Variants in ZMIZ1 observed in about 807,000 individuals in gnomAD.
ZMIZ1 encodes zinc finger MIZ domain-containing protein 1.
Under a neutral mutation model 113.9 loss-of-function variants are expected in ZMIZ1, and 17 were observed. That is an observed-to-expected ratio of 0.15 (90% confidence interval 0.10 to 0.22). ZMIZ1 has a LOEUF of 0.22. Among genes scored for constraint, ZMIZ1 ranks in the 10% least tolerant of loss-of-function variants. The probability of loss-of-function intolerance (pLI) is 1.00; values close to 1 mark genes in which losing one functional copy is unlikely to be tolerated. For synonymous variants in ZMIZ1, 607 were observed against 603.1 expected (o/e 1.01, Z -0.09); for missense variants, 1,059 against 1,477.8 (o/e 0.72, Z 4.65).
intron 7 of ZMIZ1, among the ~76,000 whole-genome samples, chr10:79,238,000 C>T (rs1849662338): frequency 6.6e-6 from 1 of 152,246 alleles, no homozygotes; most frequent in South Asian, 2.1e-4. Flanking sequence ...AGAGCATGGC[C>T]AGTTCCTTCC....
intron 3 of ZMIZ1, among the ~76,000 whole-genome samples, chr10:79,145,290 T>G (rs1055559465): frequency 6.6e-6 from 1 of 152,106 alleles, no homozygotes; most frequent in Non-Finnish European, 1.5e-5. Context: ...TCTCCTGAGG[T>G]CTTCTCTCCC....
chr10:79,165,644 A>T (rs1846295888), intron 4 of ZMIZ1, among the ~76,000 whole-genome samples: 2 of 152,186 alleles, frequency 1.3e-5, no homozygotes, highest in Non-Finnish European at 2.9e-5. Flanking sequence ...CCCTGACCAC[A>T]GTGGAGCTGA....
At chr10:79,111,971 A>G (rs1023581816) in intron 1 of ZMIZ1, among the ~76,000 whole-genome samples, 2 of 152,204 alleles carry the variant, frequency 1.3e-5, no homozygotes, top group African/African-American at 2.4e-5. Flanking sequence ...CCAGAGTAGG[A>G]CTTGGTTGGG....
intron 7 of ZMIZ1, among the ~76,000 whole-genome samples, chr10:79,227,987 T>G (rs1014786716): frequency 6.6e-6 from 1 of 152,200 alleles, no homozygotes; most frequent in Non-Finnish European, 1.5e-5. Flanking sequence ...CAGCACCCTG[T>G]CTGTGCCCTG....
At chr10:79,307,614 G>T (rs376514274) in intron 23 of ZMIZ1, 43 bp downstream of exon 23, 1 of 1,589,658 alleles carries the variant, frequency 6.3e-7, no homozygotes, top group Non-Finnish European at 8.6e-7. Flanking sequence ...CCAGCCTTTG[G>T]GGTTGATGCC....
chr10:79,226,240 TCTCGGC>T (rs1849194028), intron 7 of ZMIZ1, among the ~76,000 whole-genome samples: 1 of 152,110 alleles, frequency 6.6e-6, no homozygotes. Flanking sequence ...GGGGAGGTGG[TCTCGGC>T]AAGGGCAGAA....
chr10:79,113,431 C>A (rs1202398056), intron 1 of ZMIZ1, among the ~76,000 whole-genome samples: 1 of 152,208 alleles, frequency 6.6e-6, no homozygotes, highest in Non-Finnish European at 1.5e-5. Context: ...TGAACCCCAA[C>A]CTCCTGCCCG....
Position 79,259,062 on chromosome 10 carries a change from G to A in ZMIZ1, c.281-18119G>A, listed in dbSNP as rs558882420. On this transcript the variant is annotated intron_variant, in intron 7 of 24. Coordinates refer to ENST00000334512, the MANE Select transcript of ZMIZ1 (RefSeq NM_020338.4). ...CGCCCAGCCATGCCTCGCCCCAGCCGCCCGTATTAGTTTAATCAAATGCCC... is the reference window on the plus strand; with the variant it reads ...CGCCCAGCCATGCCTCGCCCCAGCCACCCGTATTAGTTTAATCAAATGCCC... Among the ~76,000 whole-genome samples, 15 of 152,252 alleles carry A rather than the reference G, an allele frequency of 9.9e-5. No homozygotes were observed. The South Asian group carries it at 1.2e-3, about 13-fold the overall frequency.
intron 6 of ZMIZ1, among the ~76,000 whole-genome samples, chr10:79,211,047 A>G (rs76834420): frequency 0.023 from 3,542 of 152,296 alleles, 115 homozygotes; most frequent in African/African-American, 0.07. Flanking sequence ...CCACAGCTGC[A>G]GAGACCTGAG....
chr10:79,130,429 TGAGCCTGCAGCAGA>T (rs1410719624), intron 2 of ZMIZ1, among the ~76,000 whole-genome samples: 2 of 152,226 alleles, frequency 1.3e-5, no homozygotes, highest in African/African-American at 4.8e-5. Flanking sequence ...TATACAGGGC[TGAGCCTGCAGCAGA>T]GCTGCAGCCA....
At chr10:79,137,828 G>C (rs971394976) in intron 2 of ZMIZ1, among the ~76,000 whole-genome samples, 3 of 110,576 alleles carry the variant, frequency 2.7e-5, no homozygotes, top group African/African-American at 1.3e-4. Flanking sequence ...CCCTCGGCTG[G>C]GGGGGGGGTG....
intron 4 of ZMIZ1, among the ~76,000 whole-genome samples, chr10:79,183,996 G>A (rs941965096): frequency 3.3e-5 from 5 of 152,202 alleles, no homozygotes; most frequent in African/African-American, 1.2e-4. Flanking sequence ...TCATAGGGTT[G>A]TTTAAAGGAG....
At chr10:79,215,302 C>CTTTT (rs57758020) in intron 6 of ZMIZ1, among the ~76,000 whole-genome samples, 3,661 of 140,036 alleles carry the variant, frequency 0.026, 127 homozygotes, top group East Asian at 0.067. Flanking sequence ...TAAATCACCG[C>CTTTT]TTTTTTTTTT....
At chr10:79,137,935 G>A (rs957466806) in intron 2 of ZMIZ1, among the ~76,000 whole-genome samples, 8 of 152,148 alleles carry the variant, frequency 5.3e-5, no homozygotes, top group South Asian at 2.1e-4. Context: ...ACAGCTGTGC[G>A]GTCCTGGGCC....
chr10:79,311,887 C>T (rs755155696), intron 24 of ZMIZ1, among the ~76,000 whole-genome samples: 23 of 152,062 alleles, frequency 1.5e-4, no homozygotes, highest in African/African-American at 2.4e-4. Context: ...TGCCAGACTC[C>T]GGGAGGAGGC....
At position 79,157,371 on chromosome 10, in the gene ZMIZ1, GTGTGT is replaced by G. The variant is rs1845941403; in HGVS notation, c.-130-4681_-130-4677del. On this transcript the variant is annotated intron_variant, in intron 3 of 24. Coordinates refer to ENST00000334512, the MANE Select transcript of ZMIZ1 (RefSeq NM_020338.4). ...GGTTCTCTCTGCAGGCATAAGGGGTGTGTGTGTGTGTGTGTGTGTGTGTGTGTGTG... is the reference window on the plus strand; with the variant it reads ...GGTTCTCTCTGCAGGCATAAGGGGTGGTGTGTGTGTGTGTGTGTGTGTGTG... Among the ~76,000 whole-genome samples, 9 of 32,060 alleles carry G rather than the reference GTGTGT, an allele frequency of 2.8e-4. No individual in the cohort carries two copies. The Middle Eastern group carries it at 0.043, about 153-fold the overall frequency. 21.0% of individuals were successfully genotyped at this position (32,060 alleles called of 152,430 possible).
intron 3 of ZMIZ1, among the ~76,000 whole-genome samples, chr10:79,142,383 A>T (rs982795769): frequency 2.0e-5 from 3 of 152,134 alleles, no homozygotes; most frequent in African/African-American, 7.2e-5. Flanking sequence ...AGGAGCCTGA[A>T]TGTGAGTCAC....
intron 2 of ZMIZ1, among the ~76,000 whole-genome samples, chr10:79,134,835 T>G (rs1844928440): frequency 6.8e-6 from 1 of 146,934 alleles, no homozygotes. Flanking sequence ...AATTAAATAG[T>G]TTTTTTTTTT....
intron 1 of ZMIZ1, among the ~76,000 whole-genome samples, chr10:79,077,406 A>C (rs985312409): frequency 3.8e-5 from 5 of 131,620 alleles, no homozygotes; most frequent in African/African-American, 1.4e-4. Flanking sequence ...ACATGGGGAA[A>C]CCCAAAGCCC....
Sources: allele counts gnomAD v4.1 joint callset (sites outside exome capture counted in the v4.1 genomes callset), GRCh38; gene constraint gnomAD v4.1.1; transcripts MANE v1.5; gene names NCBI Gene and HGNC (gene_info 2026-07-23, HGNC 2026-07-21).